NFIA: variants seen among roughly 807,000 people sequenced by gnomAD.
The protein encoded by NFIA is nuclear factor 1 A-type.
Under a neutral mutation model 62.8 loss-of-function variants are expected in NFIA, and 8 were observed. The ratio of observed to expected loss-of-function variants is 0.13; its 90% CI spans 0.07 to 0.23. NFIA has a LOEUF of 0.23. Among genes scored for constraint, NFIA ranks in the 10% least tolerant of loss-of-function variants. The pLI is 1.00. For missense variants in NFIA, 410 were observed against 642.1 expected (o/e 0.64, Z 3.91); for synonymous variants, 235 against 238.1 (o/e 0.99, Z 0.12).
chr1:61,448,716 G>A (rs1401440815), intron 10 of NFIA, among the ~76,000 whole-genome samples: 1 of 152,208 alleles, frequency 6.6e-6, no homozygotes, highest in Non-Finnish European at 1.5e-5. Context: ...TCTCTAGTAG[G>A]ATCTTGGAGC....
intron 4 of NFIA, among the ~76,000 whole-genome samples, chr1:61,342,608 A>C (rs1177953022): frequency 6.6e-6 from 1 of 152,208 alleles, no homozygotes. Flanking sequence ...ATCCAATGGA[A>C]CTCTTGCTGA....
At chr1:61,134,164 G>T (rs374916701) in intron 2 of NFIA, among the ~76,000 whole-genome samples, 1 of 151,778 alleles carries the variant, frequency 6.6e-6, no homozygotes, top group Non-Finnish European at 1.5e-5. Flanking sequence ...CCTTTTGTGG[G>T]TTTTTTTGAT....
intron 2 of NFIA, among the ~76,000 whole-genome samples, chr1:61,257,391 G>A (rs1336779808): frequency 7.7e-6 from 1 of 129,844 alleles, no homozygotes; most frequent in African/African-American, 2.9e-5. Flanking sequence ...AGGCTGGAGT[G>A]CAGTGGCATG....
At chr1:61,089,104 CT>C (rs1646271812) in intron 2 of NFIA, among the ~76,000 whole-genome samples, 1 of 152,122 alleles carries the variant, frequency 6.6e-6, no homozygotes, top group South Asian at 2.1e-4. Context: ...ACTGAGGCCT[CT>C]TGAACCCCTT....
At chr1:61,341,186 GC>G (rs1661887786) in intron 4 of NFIA, among the ~76,000 whole-genome samples, 1 of 149,818 alleles carries the variant, frequency 6.7e-6, no homozygotes, top group Non-Finnish European at 1.5e-5. Context: ...GCCTCCGCCT[GC>G]CGAGTAGCCG....
intron 2 of NFIA, among the ~76,000 whole-genome samples, chr1:61,256,133 AT>A (rs1230196506): frequency 6.6e-6 from 1 of 152,186 alleles, no homozygotes; most frequent in African/African-American, 2.4e-5. Context: ...TCGCAAAAAA[AT>A]CTTAGCATGT....
At chr1:61,377,222 C>A (rs1221090623) in intron 6 of NFIA, among the ~76,000 whole-genome samples, 5 of 150,254 alleles carry the variant, frequency 3.3e-5, no homozygotes, top group African/African-American at 7.4e-5. Context: ...GACTCCATCT[C>A]AAAAAAAAGA....
chr1:61,376,204 T>TTG (rs1039000694), intron 6 of NFIA, among the ~76,000 whole-genome samples: 2 of 152,146 alleles, frequency 1.3e-5, no homozygotes, highest in Non-Finnish European at 2.9e-5. Flanking sequence ...TTCTAAATAA[T>TTG]TGTGTGTGTG....
At chr1:61,354,181 C>T (rs990845476) in intron 5 of NFIA, among the ~76,000 whole-genome samples, 2 of 152,148 alleles carry the variant, frequency 1.3e-5, no homozygotes, top group East Asian at 1.9e-4. Flanking sequence ...AGGCCAGTGT[C>T]GTTCTCATAT....
intron 2 of NFIA, among the ~76,000 whole-genome samples, chr1:61,160,291 A>G (rs570276320): frequency 1.1e-4 from 16 of 152,348 alleles, no homozygotes; most frequent in East Asian, 1.9e-4. Flanking sequence ...GAAACTTGCT[A>G]GAAATGCAGG....
At chr1:61,186,501 C>T (rs929391158) in intron 2 of NFIA, among the ~76,000 whole-genome samples, 41 of 152,090 alleles carry the variant, frequency 2.7e-4, no homozygotes, top group African/African-American at 8.2e-4. Flanking sequence ...ATCGTTCAGT[C>T]AGTGGAAGAG....
At chr1:61,378,296 CGAAA>C (rs1279598771) in intron 6 of NFIA, among the ~76,000 whole-genome samples, 1 of 152,036 alleles carries the variant, frequency 6.6e-6, no homozygotes, top group Non-Finnish European at 1.5e-5. Context: ...TGATGTTTCT[CGAAA>C]GAATCAGGAG....
At chr1:61,270,575 G>A (rs1657443329) in intron 2 of NFIA, among the ~76,000 whole-genome samples, 1 of 152,164 alleles carries the variant, frequency 6.6e-6, no homozygotes, top group Non-Finnish European at 1.5e-5. Context: ...GTATTTTATA[G>A]TAGGAAAGAA....
chr1:61,251,302 A>G (rs1342614939), intron 2 of NFIA: 1 of 152,208 alleles, frequency 6.6e-6, no homozygotes, highest in Non-Finnish European at 1.5e-5. Context: ...AAGTGGGAAA[A>G]CTTAAGTTTG....
chr1:61,453,271 C>G (rs936669297), intron 10 of NFIA, among the ~76,000 whole-genome samples: 1 of 151,876 alleles, frequency 6.6e-6, no homozygotes, highest in Non-Finnish European at 1.5e-5. Context: ...TCTGGTTGCT[C>G]TTAGCAACCA....
intron 2 of NFIA, among the ~76,000 whole-genome samples, chr1:61,238,915 A>G (rs1169649830): frequency 6.6e-6 from 1 of 152,220 alleles, no homozygotes; most frequent in Non-Finnish European, 1.5e-5. Context: ...GAAGGGAAGA[A>G]TAGATCAATT....
At chr1:61,443,284 A>C (rs1414634182) in intron 10 of NFIA, among the ~76,000 whole-genome samples, 1 of 152,160 alleles carries the variant, frequency 6.6e-6, no homozygotes, top group African/African-American at 2.4e-5. Flanking sequence ...AGCATCAGTT[A>C]CAGTCCTGTT....
chr1:61,440,088 G>A (rs374206570), intron 10 of NFIA, among the ~76,000 whole-genome samples: 69 of 152,296 alleles, frequency 4.5e-4, no homozygotes, highest in Middle Eastern at 6.8e-3. Context: ...GCCAACTGGA[G>A]TCAATCCATA....
chr1:61,115,319 A>G (rs1187594609), intron 2 of NFIA, among the ~76,000 whole-genome samples: 1 of 152,250 alleles, frequency 6.6e-6, no homozygotes, highest in Non-Finnish European at 1.5e-5. Context: ...GTAAGGTAAC[A>G]TGGTACAGGT....
Sources: gnomAD v4.1 joint callset for allele counts (sites outside exome capture counted in the v4.1 genomes callset) on GRCh38, gnomAD v4.1.1 for gene constraint, MANE v1.5 for transcripts, NCBI Gene and HGNC (gene_info 2026-07-23, HGNC 2026-07-21) for gene names.